The following OGA variants were observed in gnomAD, a reference collection of about 807,000 sequenced individuals.
OGA encodes O-GlcNAcase, also known as protein O-GlcNAcase.
In OGA, 21 loss-of-function variants were observed where a neutral mutation model predicts 102.0. The ratio of observed to expected loss-of-function variants is 0.21; its 90% CI spans 0.15 to 0.30. The LOEUF is 0.30. Among genes scored for constraint, OGA ranks in the 10% least tolerant of loss-of-function variants. The pLI, the probability that OGA is intolerant of heterozygous loss-of-function variation, is 1.00. For synonymous variants in OGA, 408 were observed against 378.2 expected (o/e 1.08, Z -0.91); for missense variants, 765 against 1,107.8 (o/e 0.69, Z 4.39).
chr10:101,818,230 C>T lies in OGA; in HGVS notation c.-208G>A, dbSNP rs922718378. On this transcript the variant is annotated 5_prime_UTR_variant, in exon 1 of 16. Coordinates refer to ENST00000361464, the MANE Select transcript of OGA (RefSeq NM_012215.5). Reference sequence around the variant, plus strand: ...GGCGGCACCGGCGCGAGCCCTTTGTCAGCCGCAGCCTCGGCTTTAAGCTGG... The same window carrying T: ...GGCGGCACCGGCGCGAGCCCTTTGTTAGCCGCAGCCTCGGCTTTAAGCTGG... 7 of 1,340,866 alleles carry T rather than the reference C, an allele frequency of 5.2e-6. No individual in the cohort carries two copies. In the African/African-American group the frequency reaches 1.1e-4, roughly 21 times the overall value. 83.1% of individuals were successfully genotyped at this position (1,340,866 alleles called of 1,614,324 possible).
At chr10:101,814,314 CAA>C (rs1355257486) in intron 1 of OGA, among the ~76,000 whole-genome samples, 2 of 151,212 alleles carry the variant, frequency 1.3e-5, no homozygotes, top group African/African-American at 4.9e-5. Context: ...GGCTACAGAG[CAA>C]GACTCCATCT....
At chr10:101,806,485 G>C (rs906256658) in intron 5 of OGA, among the ~76,000 whole-genome samples, 10 of 152,134 alleles carry the variant, frequency 6.6e-5, no homozygotes, top group Non-Finnish European at 1.2e-4. Context: ...ATGGGTTTTT[G>C]AATGTGGAAA....
intron 5 of OGA, among the ~76,000 whole-genome samples, chr10:101,806,713 T>C (rs1282052746): frequency 6.6e-6 from 1 of 152,184 alleles, no homozygotes; most frequent in East Asian, 1.9e-4. Context: ...ATTGCCTACT[T>C]TTCTCAGTTA....
chr10:101,815,653 ATT>A (rs76000708), intron 1 of OGA, among the ~76,000 whole-genome samples: 5 of 149,430 alleles, frequency 3.3e-5, no homozygotes, highest in Non-Finnish European at 7.4e-5. Flanking sequence ...TAGCATTATC[ATT>A]TTTTTTTTAA....
intron 8 of OGA, 129 bp from the exon 9 acceptor site, chr10:101,799,584 T>A: frequency 1.0e-6 from 1 of 959,278 alleles, no homozygotes; most frequent in Non-Finnish European, 1.5e-6. Flanking sequence ...AGATCCAAAT[T>A]AATTTGACCT....
chr10:101,790,809 C>T, intron 14 of OGA, 87 bp downstream of exon 14: 4 of 1,006,574 alleles, frequency 4.0e-6, no homozygotes, highest in Middle Eastern at 3.3e-4. Flanking sequence ...ATGTACTTTT[C>T]CATTTTAGTA....
chr10:101,799,300 G>T lies in OGA; in HGVS notation c.1351C>A (p.Leu451Met), dbSNP rs370288930. 2.6e-5 allele frequency: 42 copies of T among 1,613,964 alleles called. No homozygotes were observed. In the Middle Eastern group the frequency reaches 4.9e-4, roughly 19 times the overall value. ...GAALSGEPTTLTKEEEKKQPD... is the reference protein window; with the variant it reads ...GAALSGEPTTMTKEEEKKQPD... ...TGTTTCTTTTCTTCTTCCTTGGTCA[G>T]AGTAGTAGGCTCACCACTCAAGGCT... Residue 451 changes from leucine (L) to methionine (M), a missense_variant, in exon 9 of 16, where the codon CTG (leucine) becomes ATG (methionine). Physicochemically the swap from Leu to Met is conservative, Grantham distance 15. Around this residue, in one of 7 missense-constraint regions of OGA, gnomAD observed 281 missense variants for 345.8 expected, o/e 0.81. Transcript: ENST00000361464.
chr10:101,793,043 C>G, intron 11 of OGA, 100 bp from the exon 12 acceptor site: 1 of 870,440 alleles, frequency 1.1e-6, no homozygotes, highest in Non-Finnish European at 1.9e-6. Context: ...TAACTGGCTA[C>G]TGCAGGCAGA....
Position 101,818,054 on chromosome 10 carries a change from G to C in OGA, c.-32C>G. The stretch of plus-strand genomic sequence containing the variant: ...GCCCCCGGCCGCTGCCACCTCTGCG[G>C]GTCCTCCTCGACCTCTGTCCGTTGG... On this transcript the variant is annotated 5_prime_UTR_variant, in exon 1 of 16. Coordinates refer to ENST00000361464, the MANE Select transcript of OGA (RefSeq NM_012215.5). 1.3e-6 allele frequency: 2 copies of C among 1,532,722 alleles called. No homozygotes were observed. Among genetic ancestry groups the C allele is most frequent in the Non-Finnish European group, 8.8e-7 (1 of 1,135,852 alleles). The allele number at this position is 1,532,722 out of a possible 1,614,324, so 94.9% of individuals were successfully genotyped here.
At chr10:101,788,564 G>T (rs748905547) in intron 14 of OGA, among the ~76,000 whole-genome samples, 1 of 151,616 alleles carries the variant, frequency 6.6e-6, no homozygotes, top group African/African-American at 2.4e-5. Context: ...GTGAAACCCC[G>T]TATCTAGTAA....
chr10:101,787,077 C>T (rs2065199345), intron 15 of OGA, among the ~76,000 whole-genome samples: 1 of 149,190 alleles, frequency 6.7e-6, no homozygotes, highest in Non-Finnish European at 1.5e-5. Context: ...GATGGGGTCT[C>T]AGCCATATTG....
intron 2 of OGA, 45 bp downstream of exon 2, chr10:101,813,510 A>G (rs1298628008): frequency 2.5e-6 from 3 of 1,205,090 alleles, no homozygotes; most frequent in East Asian, 2.5e-5. Flanking sequence ...AGAAAATGTT[A>G]AGAGTTTAAG....
intron 14 of OGA, among the ~76,000 whole-genome samples, chr10:101,790,276 T>G (rs866895923): frequency 2.6e-4 from 38 of 143,598 alleles, no homozygotes; most frequent in African/African-American, 8.3e-4. Flanking sequence ...TTTTTTTTTT[T>G]TTTTTTTTTT....
intron 1 of OGA, among the ~76,000 whole-genome samples, chr10:101,817,577 G>A (rs2065652108): frequency 6.6e-6 from 1 of 152,170 alleles, no homozygotes; most frequent in African/African-American, 2.4e-5. Context: ...TCCTTAGGAG[G>A]TGGCCTGGCT....
chr10:101,818,034 C>T lies in OGA; in HGVS notation c.-12G>A, dbSNP rs775198689. ...TCCTTCTGCACCATCCTCCTGCCCC[C>T]GGCCGCTGCCACCTCTGCGGGTCCT... On this transcript the variant is annotated 5_prime_UTR_variant, in exon 1 of 16. Coordinates refer to ENST00000361464, the MANE Select transcript of OGA (RefSeq NM_012215.5). 1 of 1,560,614 alleles carries T rather than the reference C, an allele frequency of 6.4e-7. No individual in the cohort carries two copies. The highest frequency in any genetic ancestry group is 8.7e-7 in the Non-Finnish European group (1 of 1,148,670).
At chr10:101,790,232 C>T (rs578234665) in intron 14 of OGA, among the ~76,000 whole-genome samples, 136 of 149,572 alleles carry the variant, frequency 9.1e-4, no homozygotes, top group Non-Finnish European at 1.4e-3. Context: ...CTTAAATTGT[C>T]CTGAGTACTC....
At position 101,798,869 on chromosome 10, in the gene OGA, G is replaced by C. The variant is rs750993737; in HGVS notation, c.1782C>G (p.Val594=). The C allele has an allele frequency of 6.2e-7, 1 of 1,613,642 alleles. No individual in the cohort carries two copies. The highest frequency in any genetic ancestry group is 2.2e-5 in the East Asian group (1 of 44,882). ...TTTCAGAGTCTTTTCCTTTGCAATTGACACTGACAACACTACTATTTGCTC... is the reference window on the plus strand; with the variant it reads ...TTTCAGAGTCTTTTCCTTTGCAATTCACACTGACAACACTACTATTTGCTC... ...WLRANSSVVS[V]NCKGKDSEKI... is the part of the protein sequence containing the mutation. Residue 594 remains valine (V), a synonymous_variant, in exon 9 of 16, where the codon GTC becomes GTG. Coordinates refer to ENST00000361464, the MANE Select transcript of OGA (RefSeq NM_012215.5).
chr10:101,812,660 T>G (rs1052896202), intron 3 of OGA, among the ~76,000 whole-genome samples: 1 of 152,258 alleles, frequency 6.6e-6, no homozygotes, highest in Admixed American at 6.5e-5. Flanking sequence ...GATTACTTTT[T>G]GGGGGTCCCT....
Position 101,810,298 on chromosome 10 carries a change from G to A in OGA, c.366C>T (p.Leu122=). ...SVEEAEQLMT[L]ISAAREYEIE... is the part of the protein sequence containing the mutation. ...TCTCATATTCTCGTGCAGCAGAGAT[G>A]AGAGTCATAAGTTGCTCTAAAGAAC... The change falls in exon 4 of 16, where the codon CTC becomes CTT. Residue 122 remains leucine, a synonymous_variant. Transcript: ENST00000361464. The A allele has an allele frequency of 6.2e-7, 1 of 1,612,502 alleles. No individual in the cohort carries two copies. The highest frequency in any genetic ancestry group is 8.5e-7 in the Non-Finnish European group (1 of 1,179,056).
Sources: allele counts gnomAD v4.1 joint callset (sites outside exome capture counted in the v4.1 genomes callset), GRCh38; gene constraint gnomAD v4.1.1; regional missense constraint gnomAD v4.1.1; transcripts MANE v1.5; gene names NCBI Gene and HGNC (gene_info 2026-07-23, HGNC 2026-07-21).